Variants in PRKN observed in about 807,000 individuals in gnomAD.
The protein encoded by PRKN is E3 ubiquitin-protein ligase parkin.
In PRKN, 56 loss-of-function variants were observed where a neutral mutation model predicts 59.5. The observed-to-expected ratio is 0.94, with a 90% CI of 0.76 to 1.18. The LOEUF is 1.18. Among genes scored for constraint, PRKN ranks in the 50% most tolerant of loss-of-function variants. The pLI is 0.00. For missense variants in PRKN, 657 were observed against 596.4 expected, an observed-to-expected ratio of 1.10 and a Z score of -1.06; for synonymous variants, 250 against 222.1, an observed-to-expected ratio of 1.13 and a Z score of -1.12.
chr6:161,848,254 A>G (rs1562334725), intron 6 of PRKN, among the ~76,000 whole-genome samples: 2 of 152,092 alleles, frequency 1.3e-5, no homozygotes, highest in African/African-American at 4.8e-5. Context: ...ATTTTTCACC[A>G]TTTATGTAGG....
intron 2 of PRKN, among the ~76,000 whole-genome samples, chr6:162,376,030 T>C (rs1284437929): frequency 6.6e-6 from 1 of 152,098 alleles, no homozygotes; most frequent in Admixed American, 6.6e-5. Flanking sequence ...AATCCAACTC[T>C]TGAGAAACAA....
chr6:161,497,577 TCACA>T lies in PRKN; in HGVS notation c.1083+51273_1083+51276del, dbSNP rs71278571. Among the ~76,000 whole-genome samples, 3 of 147,478 alleles carry T rather than the reference TCACA, an allele frequency of 2.0e-5. No individual in the cohort carries two copies. Among genetic ancestry groups the T allele is most frequent in the East Asian group, 2.0e-4 (1 of 5,064 alleles). On this transcript the variant is annotated intron_variant, in intron 9 of 11. Transcript: ENST00000366898. The surrounding 1 kb of genome is among the most constrained non-coding windows in gnomAD (Gnocchi z 4.6). ...ATGTCTCTCTCTCTCTCTCTCTCTC[TCACA>T]CACACACACACACACACCATATCCC...
At chr6:161,662,396 C>A (rs528686224) in intron 7 of PRKN, among the ~76,000 whole-genome samples, 1 of 152,038 alleles carries the variant, frequency 6.6e-6, no homozygotes, top group Non-Finnish European at 1.5e-5. Context: ...TTTGTTGTTT[C>A]GAGGGATGGT....
intron 6 of PRKN, among the ~76,000 whole-genome samples, chr6:161,885,890 G>T (rs1477268053): frequency 6.6e-6 from 1 of 152,154 alleles, no homozygotes; most frequent in African/African-American, 2.4e-5. Flanking sequence ...GAAGAAAGGA[G>T]TTTTCATCAC....
At chr6:161,416,602 G>A (rs1173352491) in intron 9 of PRKN, among the ~76,000 whole-genome samples, 1 of 152,064 alleles carries the variant, frequency 6.6e-6, no homozygotes, top group Non-Finnish European at 1.5e-5. Flanking sequence ...TCTTACCAGT[G>A]ACCCCCGACC....
intron 7 of PRKN, among the ~76,000 whole-genome samples, chr6:161,577,586 A>C (rs1259662874): frequency 6.6e-6 from 1 of 152,234 alleles, no homozygotes; most frequent in Admixed American, 6.5e-5. Flanking sequence ...TTTCAGAATA[A>C]GCTGAAAGAA....
chr6:162,091,673 C>G (rs1190740389), intron 4 of PRKN, among the ~76,000 whole-genome samples: 1 of 152,082 alleles, frequency 6.6e-6, no homozygotes, highest in Non-Finnish European at 1.5e-5. Context: ...ACAGAGAATC[C>G]AGGTATATTT....
chr6:162,720,722 T>C (rs1778911918), intron 1 of PRKN, among the ~76,000 whole-genome samples: 1 of 151,334 alleles, frequency 6.6e-6, no homozygotes, highest in Admixed American at 6.6e-5. Flanking sequence ...GGTGCTGGGA[T>C]TACAGGCGTG....
chr6:161,795,789 C>CT (rs1790822296), intron 6 of PRKN, among the ~76,000 whole-genome samples: 1 of 152,018 alleles, frequency 6.6e-6, no homozygotes, highest in Non-Finnish European at 1.5e-5. Context: ...AAAATACAAA[C>CT]TAAGGCCGAA....
chr6:162,423,934 A>G (rs1789100105), intron 2 of PRKN, among the ~76,000 whole-genome samples: 1 of 152,196 alleles, frequency 6.6e-6, no homozygotes, highest in South Asian at 2.1e-4. Flanking sequence ...TTATTTCCAC[A>G]CAAAAACCTA....
rs527547291 is a variant in PRKN at position 161,960,400 on chromosome 6, G to T, written c.734+12902C>A. Among the ~76,000 whole-genome samples the T allele has an allele frequency of 3.3e-4, 50 of 152,272 alleles. 1 individual carries two copies. In the South Asian group the frequency reaches 7.9e-3, roughly 24 times the overall value. ...CATCCAAATCTTAGCAGTGAGTAAA[G>T]AATGAAAATGAAAGGGAAGGCAGAA... is the stretch of plus-strand genomic sequence containing the variant. On this transcript the variant is annotated intron_variant, in intron 6 of 11. Transcript: ENST00000366898.
chr6:162,217,532 G>A (rs953862790), intron 3 of PRKN, among the ~76,000 whole-genome samples: 15 of 152,038 alleles, frequency 9.9e-5, no homozygotes, highest in African/African-American at 3.1e-4. Context: ...TTACAGGCGT[G>A]TGCCACCACA....
intron 6 of PRKN, among the ~76,000 whole-genome samples, chr6:161,964,915 A>G (rs1393558115): frequency 6.6e-6 from 1 of 152,122 alleles, no homozygotes; most frequent in Non-Finnish European, 1.5e-5. Flanking sequence ...GAACTTACAC[A>G]GTAATTCTAA....
At chr6:161,596,408 C>T (rs1341658531) in intron 7 of PRKN, among the ~76,000 whole-genome samples, 1 of 152,150 alleles carries the variant, frequency 6.6e-6, no homozygotes, top group East Asian at 1.9e-4. Flanking sequence ...TTTACTAGTG[C>T]TTATTGTATA....
At chr6:162,069,238 G>A (rs1163970106) in intron 4 of PRKN, among the ~76,000 whole-genome samples, 1 of 152,250 alleles carries the variant, frequency 6.6e-6, no homozygotes, top group Non-Finnish European at 1.5e-5. Context: ...CATGAAATCT[G>A]ATGGGTGTAT....
chr6:162,117,233 C>T (rs1000980190), intron 4 of PRKN, among the ~76,000 whole-genome samples: 2 of 152,126 alleles, frequency 1.3e-5, no homozygotes, highest in Non-Finnish European at 2.9e-5. Context: ...TATGCTGGCA[C>T]GTAAATGGTT....
intron 1 of PRKN, among the ~76,000 whole-genome samples, chr6:162,473,496 A>G (rs1791860146): frequency 6.6e-6 from 1 of 152,196 alleles, no homozygotes; most frequent in South Asian, 2.1e-4. Context: ...AAGGACTAGT[A>G]AAGCCACCGA....
At chr6:161,802,343 T>G (rs1791116922) in intron 6 of PRKN, among the ~76,000 whole-genome samples, 1 of 151,978 alleles carries the variant, frequency 6.6e-6, no homozygotes, top group Admixed American at 6.6e-5. Flanking sequence ...TCCCACTCGC[T>G]GTGATCCAGG....
intron 7 of PRKN, among the ~76,000 whole-genome samples, chr6:161,750,956 GAAAGA>G (rs1486079463): frequency 6.6e-5 from 10 of 151,970 alleles, no homozygotes; most frequent in African/African-American, 1.9e-4. Flanking sequence ...ATGTGGAATA[GAAAGA>G]AAATATGTAA....
Sources: gnomAD v4.1 joint callset for allele counts (sites outside exome capture counted in the v4.1 genomes callset) on GRCh38, gnomAD v4.1.1 for gene constraint, Gnocchi (gnomAD v3.1) non-coding constraint, MANE v1.5 for transcripts, NCBI Gene and HGNC (gene_info 2026-07-23, HGNC 2026-07-21) for gene names.